Variants in SGPP1 observed in about 807,000 individuals in gnomAD.
The protein encoded by SGPP1 is hSPP1.
In SGPP1, 21 loss-of-function variants were observed where a neutral mutation model predicts 33.0. The ratio of observed to expected loss-of-function variants is 0.64; its 90% CI spans 0.45 to 0.92. The LOEUF (loss-of-function observed/expected upper bound fraction) is 0.92. Ranked by LOEUF, SGPP1 falls within the 40% of genes least tolerant of loss-of-function variation. The probability of loss-of-function intolerance (pLI) is 0.00; values close to 1 mark genes in which losing one functional copy is unlikely to be tolerated. For synonymous variants in SGPP1, 239 were observed against 241.2 expected (o/e 0.99, Z 0.08); for missense variants, 543 against 589.4 (o/e 0.92, Z 0.81).
chr14:63,727,741 A>C lies in SGPP1; in HGVS notation c.204T>G (p.Pro68=), dbSNP rs8006901. 0.039 allele frequency: 56,918 copies of C among 1,465,780 alleles called. 3,184 individuals carry two copies. The highest frequency in any genetic ancestry group is 0.27 in the African/African-American group (18,244 of 67,496). 90.8% of individuals were successfully genotyped at this position (1,465,780 alleles called of 1,614,324 possible). A position where few individuals can be genotyped will look rare whatever the true frequency, so the allele number is the denominator to read the frequency against. ...RQPGAPGGPQ[P]PGSDRNQCPA... Reference sequence around the variant, plus strand: ...GGCACTGATTGCGGTCGCTCCCGGGAGGCTGGGGGCCTCCAGGCGCCCCTG... The same window carrying C: ...GGCACTGATTGCGGTCGCTCCCGGGCGGCTGGGGGCCTCCAGGCGCCCCTG... Residue 68 remains proline, a synonymous_variant, in exon 1 of 3, where the codon CCT becomes CCG. Transcript: ENST00000247225.
At chr14:63,701,184 T>C (rs1885291970) in intron 1 of SGPP1, among the ~76,000 whole-genome samples, 1 of 152,122 alleles carries the variant, frequency 6.6e-6, no homozygotes, top group Non-Finnish European at 1.5e-5. Context: ...GGTCTCGCCA[T>C]GTTGCCCATG....
intron 1 of SGPP1, among the ~76,000 whole-genome samples, chr14:63,722,361 GAAA>G (rs34786841): frequency 1.0e-5 from 1 of 97,770 alleles, no homozygotes. Flanking sequence ...TGTCTCTATT[GAAA>G]AAAAAAAAAA....
intron 2 of SGPP1, among the ~76,000 whole-genome samples, chr14:63,696,698 GT>G (rs1885193883): frequency 6.6e-6 from 1 of 152,066 alleles, no homozygotes; most frequent in Non-Finnish European, 1.5e-5. Context: ...TTAAAATAGT[GT>G]TTAGGGCTGG....
intron 1 of SGPP1, among the ~76,000 whole-genome samples, chr14:63,707,977 A>G (rs1885449110): frequency 6.6e-6 from 1 of 152,132 alleles, no homozygotes; most frequent in Admixed American, 6.5e-5. Context: ...AATTTTCAAA[A>G]TGCAAAACGC....
At chr14:63,691,769 G>C (rs1885098228) in intron 2 of SGPP1, among the ~76,000 whole-genome samples, 1 of 152,052 alleles carries the variant, frequency 6.6e-6, no homozygotes, top group Non-Finnish European at 1.5e-5. Context: ...GAAAACAATT[G>C]CATTACACTG....
intron 1 of SGPP1, among the ~76,000 whole-genome samples, chr14:63,707,086 G>A (rs1407498177): frequency 1.4e-5 from 2 of 146,102 alleles, no homozygotes; most frequent in Non-Finnish European, 3.0e-5. Context: ...ATCATTTAAT[G>A]TACACATTAA....
At chr14:63,704,495 A>C (rs182098116) in intron 1 of SGPP1, among the ~76,000 whole-genome samples, 1 of 152,362 alleles carries the variant, frequency 6.6e-6, no homozygotes, top group East Asian at 1.9e-4. Context: ...CTCCTATCTC[A>C]TACCATATAT....
intron 1 of SGPP1, among the ~76,000 whole-genome samples, chr14:63,714,419 T>C (rs1885580083): frequency 1.3e-5 from 2 of 152,336 alleles, no homozygotes; most frequent in African/African-American, 4.8e-5. Context: ...CTCTTTATTT[T>C]TTTTAATTTT....
At chr14:63,692,582 T>A (rs539905104) in intron 2 of SGPP1, among the ~76,000 whole-genome samples, 1 of 152,074 alleles carries the variant, frequency 6.6e-6, no homozygotes, top group Non-Finnish European at 1.5e-5. Flanking sequence ...CCCAAGTAGC[T>A]GGGACTACAG....
At chr14:63,719,004 ATATATATATATTTTTTTTTTTTTTTTTT>A (rs1885705284) in intron 1 of SGPP1, among the ~76,000 whole-genome samples, 3 of 24,624 alleles carry the variant, frequency 1.2e-4, no homozygotes, top group African/African-American at 6.7e-4. Context: ...ATATATATAT[ATATATATATATTTTTTTTTTTTTTTTTT>A]TTTTTTTTTT....
intron 2 of SGPP1, among the ~76,000 whole-genome samples, chr14:63,698,105 C>T (rs1167888736): frequency 6.6e-6 from 1 of 152,104 alleles, no homozygotes; most frequent in Admixed American, 6.6e-5. Context: ...CACTGTGAGT[C>T]CTAACATACT....
chr14:63,713,649 A>C (rs535449903), intron 1 of SGPP1, among the ~76,000 whole-genome samples: 1 of 152,236 alleles, frequency 6.6e-6, no homozygotes, highest in Admixed American at 6.5e-5. Flanking sequence ...GCCAAAATCT[A>C]GGGAAGAAAT....
chr14:63,692,197 G>A (rs1477084985), intron 2 of SGPP1, among the ~76,000 whole-genome samples: 6 of 152,210 alleles, frequency 3.9e-5, no homozygotes, highest in East Asian at 1.9e-4. Context: ...AGCTTGCCTC[G>A]AAAAGTCCCA....
chr14:63,707,040 CAAAAAAAAAAA>C (rs747329924), intron 1 of SGPP1, among the ~76,000 whole-genome samples: 1 of 66,332 alleles, frequency 1.5e-5, no homozygotes, highest in Non-Finnish European at 3.3e-5. Flanking sequence ...GACTCTGTCC[CAAAAAAAAAAA>C]AAAAAAAAAA....
chr14:63,690,399 T>C (rs2883990), intron 2 of SGPP1, among the ~76,000 whole-genome samples: 33,547 of 152,186 alleles, frequency 0.22, 4,054 homozygotes, highest in East Asian at 0.5. Flanking sequence ...GGGTCCGCAG[T>C]TGCAGTGCTT....
chr14:63,699,340 G>A (rs750680174), intron 1 of SGPP1, among the ~76,000 whole-genome samples: 6 of 152,174 alleles, frequency 3.9e-5, no homozygotes, highest in Non-Finnish European at 5.9e-5. Flanking sequence ...CCTGAGATTG[G>A]AGGGAAAGAG....
chr14:63,707,132 C>T (rs11158502), intron 1 of SGPP1, among the ~76,000 whole-genome samples: 20,025 of 151,146 alleles, frequency 0.13, 3,195 homozygotes, highest in African/African-American at 0.38. Flanking sequence ...TCTCAATCTA[C>T]GGTTTTGACC....
rs1033421933 is a variant in SGPP1, at chr14:63,685,740, C to T, written c.*365G>A. The T allele has an allele frequency of 6.7e-6, 1 of 149,356 alleles. No homozygotes were observed. Among genetic ancestry groups the T allele is most frequent in the Admixed American group, 6.7e-5 (1 of 14,914 alleles). 9.3% of individuals were successfully genotyped at this position (149,356 alleles called of 1,614,324 possible). On this transcript the variant is annotated 3_prime_UTR_variant, in exon 3 of 3. Transcript: ENST00000247225. ...TTATTATTGATTTTATAATACACTCCCATAGTTTAAAAAAACACTTAGGTA... is the reference window on the plus strand; with the variant it reads ...TTATTATTGATTTTATAATACACTCTCATAGTTTAAAAAAACACTTAGGTA...
chr14:63,728,004 G>T lies in SGPP1; in HGVS notation c.-60C>A, dbSNP rs1464044000. 3.5e-6 allele frequency: 5 copies of T among 1,447,442 alleles called. No homozygotes were observed. The African/African-American group carries it at 4.4e-5, about 13-fold the overall frequency. The allele number at this position is 1,447,442 out of a possible 1,614,324, so 89.7% of individuals were successfully genotyped here. ...CGGCGCAGCCCCGAACTGTCCCCGC[G>T]CTCCTGGCCAGCGGCAGCGGAACCG... is the stretch of plus-strand genomic sequence containing the variant. On this transcript the variant is annotated 5_prime_UTR_variant, in exon 1 of 3. Coordinates refer to ENST00000247225, the MANE Select transcript of SGPP1 (RefSeq NM_030791.4).
Sources: gnomAD v4.1 joint callset for allele counts (sites outside exome capture counted in the v4.1 genomes callset) on GRCh38, gnomAD v4.1.1 for gene constraint, MANE v1.5 for transcripts, NCBI Gene and HGNC (gene_info 2026-07-23, HGNC 2026-07-21) for gene names.